The following TEC variants were observed in gnomAD, a reference collection of about 807,000 sequenced individuals.
TEC encodes tyrosine-protein kinase Tec.
A neutral mutation model predicts 93.0 loss-of-function variants in TEC; 72 were observed. The ratio of observed to expected loss-of-function variants is 0.77; its 90% CI spans 0.64 to 0.94. The LOEUF is 0.94. Ranked by LOEUF, TEC falls within the 40% of genes least tolerant of loss-of-function variation. TEC has a pLI of 0.00. For synonymous variants in TEC, 249 were observed against 247.7 expected, an observed-to-expected ratio of 1.01 and a Z score of -0.05; for missense variants, 630 against 757.9, an observed-to-expected ratio of 0.83 and a Z score of 1.98.
chr4:48,152,748 C>A (rs887558685), intron 9 of TEC, among the ~76,000 whole-genome samples: 13 of 152,088 alleles, frequency 8.5e-5, no homozygotes, highest in African/African-American at 3.1e-4. Context: ...GTAGGGTCTC[C>A]AGAGAGTCAT....
intron 1 of TEC, among the ~76,000 whole-genome samples, chr4:48,231,754 C>T (rs1723653796): frequency 6.6e-6 from 1 of 151,536 alleles, no homozygotes; most frequent in Admixed American, 6.6e-5. Context: ...AAGACTCCGT[C>T]TGAAAAAAAA....
chr4:48,193,947 A>G (rs1229635496), intron 2 of TEC, among the ~76,000 whole-genome samples: 1 of 152,216 alleles, frequency 6.6e-6, no homozygotes, highest in Non-Finnish European at 1.5e-5. Context: ...TTTCTGGGAT[A>G]GATGGTGGGT....
intron 1 of TEC, among the ~76,000 whole-genome samples, chr4:48,234,210 T>C (rs34292660): frequency 0.16 from 24,239 of 152,172 alleles, 2,150 homozygotes; most frequent in Non-Finnish European, 0.2. Flanking sequence ...GCCAATGAAG[T>C]GACAGGAGAA....
chr4:48,198,865 C>A (rs554517233), intron 2 of TEC, among the ~76,000 whole-genome samples: 6 of 152,280 alleles, frequency 3.9e-5, no homozygotes, highest in African/African-American at 1.4e-4. Context: ...AGAAGCCAGT[C>A]TTGATTTTCA....
At chr4:48,177,600 C>G (rs1721381911) in intron 2 of TEC, among the ~76,000 whole-genome samples, 1 of 152,172 alleles carries the variant, frequency 6.6e-6, no homozygotes, top group South Asian at 2.1e-4. Flanking sequence ...TGGCTGCCAT[C>G]TCCCCAGTGC....
chr4:48,191,086 A>G (rs1320424794), intron 2 of TEC, among the ~76,000 whole-genome samples: 4 of 152,346 alleles, frequency 2.6e-5, no homozygotes. Flanking sequence ...CTGTGGCCCC[A>G]TGCAAATTAA....
At chr4:48,264,640 C>CTT (rs1724585186) in intron 1 of TEC, among the ~76,000 whole-genome samples, 1 of 65,476 alleles carries the variant, frequency 1.5e-5, no homozygotes, top group African/African-American at 3.3e-5. Context: ...ACATCTTCAG[C>CTT]ATTTTTTTTT....
intron 9 of TEC, among the ~76,000 whole-genome samples, chr4:48,152,933 T>C (rs1720236033): frequency 6.6e-6 from 1 of 152,242 alleles, no homozygotes; most frequent in Non-Finnish European, 1.5e-5. Context: ...CTAAATAGAA[T>C]ACTAAATCAG....
chr4:48,168,268 C>T (rs537461445), intron 6 of TEC, among the ~76,000 whole-genome samples: 19 of 152,180 alleles, frequency 1.2e-4, no homozygotes, highest in Non-Finnish European at 2.5e-4. Context: ...TTCTTTGTCA[C>T]ACTGTGGTCT....
intron 2 of TEC, among the ~76,000 whole-genome samples, chr4:48,227,641 C>CAAAAA (rs34047322): frequency 1.2e-5 from 1 of 84,288 alleles, no homozygotes. Context: ...GACACTGTCT[C>CAAAAA]AAAAAAAAAA....
At chr4:48,220,774 C>G (rs892572739) in intron 2 of TEC, among the ~76,000 whole-genome samples, 2 of 152,222 alleles carry the variant, frequency 1.3e-5, no homozygotes, top group African/African-American at 4.8e-5. Flanking sequence ...AAATATGTGG[C>G]AGGGAGTGGG....
At chr4:48,245,164 G>A (rs879899894) in intron 1 of TEC, among the ~76,000 whole-genome samples, 1 of 151,906 alleles carries the variant, frequency 6.6e-6, no homozygotes, top group East Asian at 1.9e-4. Flanking sequence ...GTGGTGGTGC[G>A]TGTCTGTAAT....
intron 2 of TEC, among the ~76,000 whole-genome samples, chr4:48,194,437 T>C (rs1270735631): frequency 6.6e-6 from 1 of 152,238 alleles, no homozygotes; most frequent in African/African-American, 2.4e-5. Context: ...TCTAGTTCTC[T>C]TCAATGTTAA....
At chr4:48,163,488 CTATG>C (rs1321073837) in intron 8 of TEC, among the ~76,000 whole-genome samples, 1 of 152,102 alleles carries the variant, frequency 6.6e-6, no homozygotes, top group East Asian at 1.9e-4. Flanking sequence ...GTACATAAGC[CTATG>C]TAACTCCATT....
At chr4:48,265,524 T>A (rs1303205304) in intron 1 of TEC, among the ~76,000 whole-genome samples, 5 of 147,956 alleles carry the variant, frequency 3.4e-5, no homozygotes, top group Admixed American at 6.8e-5. Context: ...TATTTTTTTT[T>A]TTTTTTGAGA....
intron 2 of TEC, among the ~76,000 whole-genome samples, chr4:48,211,603 T>C (rs999418768): frequency 6.6e-6 from 1 of 152,226 alleles, no homozygotes; most frequent in African/African-American, 2.4e-5. Context: ...TTGCAGTAAA[T>C]GTCCAGGAGT....
At chr4:48,149,727 A>C (rs764302207) in intron 10 of TEC, 37 bp from the exon 11 acceptor site, 6 of 1,569,778 alleles carry the variant, frequency 3.8e-6, no homozygotes, top group Non-Finnish European at 5.2e-6. Context: ...AACCAAGTTG[A>C]AATAATAGAA....
rs114566725 is a variant in TEC at position 48,159,897 on chromosome 4, C to T, written c.738-3163G>A. Among the ~76,000 whole-genome samples the T allele has an allele frequency of 7.2e-3, 1,092 of 152,236 alleles. 15 individuals carry two copies. The highest frequency in any genetic ancestry group is 0.025 in the African/African-American group (1,029 of 41,542). ...GGAACTAAGCGTGAGAACTCACTTC[C>T]TTGAGAATGGTACCAAGCCATTCAT... is the stretch of plus-strand genomic sequence containing the variant. On this transcript the variant is annotated intron_variant, in intron 8 of 17. Transcript: ENST00000381501.
At chr4:48,166,163 A>G (rs1336043980) in intron 7 of TEC, among the ~76,000 whole-genome samples, 1 of 152,178 alleles carries the variant, frequency 6.6e-6, no homozygotes, top group Non-Finnish European at 1.5e-5. Flanking sequence ...CCACGCAGTA[A>G]GAGTGTGGGT....
Sources: allele counts gnomAD v4.1 joint callset (sites outside exome capture counted in the v4.1 genomes callset), GRCh38; gene constraint gnomAD v4.1.1; transcripts MANE v1.5; gene names NCBI Gene and HGNC (gene_info 2026-07-23, HGNC 2026-07-21).